The following MYOF variants were observed in gnomAD, a reference collection of about 807,000 sequenced individuals.
The protein encoded by MYOF is fer-1-like 3, myoferlin.
In MYOF, 244 loss-of-function variants were observed where a neutral mutation model predicts 284.2. The ratio of observed to expected loss-of-function variants is 0.86; its 90% CI spans 0.77 to 0.95. The LOEUF (loss-of-function observed/expected upper bound fraction) is 0.95, where lower values mean the gene tolerates loss of function less well. MYOF is among the 40% of genes least tolerant of loss of function. MYOF has a pLI of 0.00. For synonymous variants in MYOF, 904 were observed against 919.7 expected, an observed-to-expected ratio of 0.98 and a Z score of 0.31; for missense variants, 2,496 against 2,560.6, an observed-to-expected ratio of 0.97 and a Z score of 0.54.
intron 50 of MYOF, 24 bp from the exon 51 acceptor site, chr10:93,313,234 T>C: frequency 6.2e-7 from 1 of 1,601,752 alleles, no homozygotes; most frequent in Non-Finnish European, 8.5e-7. Flanking sequence ...CAACAGTAAG[T>C]CCAAATGAGC....
chr10:93,462,396 C>A (rs2056905640), intron 1 of MYOF, among the ~76,000 whole-genome samples: 2 of 152,112 alleles, frequency 1.3e-5, no homozygotes, highest in African/African-American at 4.8e-5. Flanking sequence ...TGCATCATTT[C>A]ATTGAATCCT....
intron 22 of MYOF, 139 bp downstream of exon 22, chr10:93,377,184 G>T: frequency 1.6e-6 from 1 of 637,532 alleles, no homozygotes. Context: ...CTCCCAGTGA[G>T]GACTTTTTAC....
Position 93,359,891 on chromosome 10 carries a change from C to T in MYOF, c.3062G>A (p.Arg1021Gln), listed in dbSNP as rs375030658. 6.4e-5 allele frequency: 104 copies of T among 1,614,036 alleles called. No individual in the cohort carries two copies. The Middle Eastern group carries it at 8.2e-4, about 13-fold the overall frequency. Residue 1021 changes from arginine (R) to glutamine (Q), a missense_variant, in exon 29 of 54, where the codon CGA becomes CAA. By Grantham distance (43) the Arg-to-Gln change is conservative. Coordinates refer to ENST00000359263, the MANE Select transcript of MYOF (RefSeq NM_013451.4). ...AEKMYHTHRRRRLVRKRKKDL... is the reference protein window; with the variant it reads ...AEKMYHTHRRQRLVRKRKKDL... ...TTTCTTGCGTTTTCGGACCAGCCTT[C>T]GCCGTCTATGAGTGTGGTACATTTT...
At chr10:93,455,127 T>C (rs1271092888) in intron 2 of MYOF, among the ~76,000 whole-genome samples, 1 of 149,054 alleles carries the variant, frequency 6.7e-6, no homozygotes, top group African/African-American at 2.5e-5. Flanking sequence ...CCATCTCTAC[T>C]AAAAATACAA....
Position 93,306,757 on chromosome 10 carries a change from A to ATACTT in MYOF, c.*201_*205dup, listed in dbSNP as rs1444637205. 1.3e-5 allele frequency: 7 copies of ATACTT among 533,644 alleles called. No individual in the cohort carries two copies. Among genetic ancestry groups the ATACTT allele is most frequent in the African/African-American group, 4.0e-5 (2 of 50,424 alleles). The allele number at this position is 533,644 out of a possible 1,614,324, so 33.1% of individuals were successfully genotyped here. On this transcript the variant is annotated 3_prime_UTR_variant, in exon 54 of 54. Coordinates refer to ENST00000359263, the MANE Select transcript of MYOF (RefSeq NM_013451.4). ...TAAACTTTAGAAAATAAAACTTTTA[A>ATACTT]TACTTAAGAGATAACATGATGCAAA...
intron 50 of MYOF, 93 bp from the exon 51 acceptor site, chr10:93,313,303 A>G: frequency 8.2e-7 from 1 of 1,224,894 alleles, no homozygotes. Context: ...GGAGAGAGGC[A>G]CACAGTGATT....
rs922816280 is a variant in MYOF, at chr10:93,328,702, C to T, written c.5131+61G>A. On this transcript the variant is annotated intron_variant, in intron 45 of 53. Transcript: ENST00000359263. ...CTCTGTCTATTCACTCCCCCAAACC[C>T]AGCAATATATATGGGTTACTATACT... 9.2e-6 allele frequency: 14 copies of T among 1,528,640 alleles called. No individual in the cohort carries two copies. In the African/African-American group the frequency reaches 1.8e-4, roughly 19 times the overall value. The allele number at this position is 1,528,640 out of a possible 1,614,324, so 94.7% of individuals were successfully genotyped here.
At chr10:93,309,273 C>G (rs1011826978) in intron 53 of MYOF, among the ~76,000 whole-genome samples, 1 of 152,188 alleles carries the variant, frequency 6.6e-6, no homozygotes, top group Non-Finnish European at 1.5e-5. Context: ...ATATGAACTG[C>G]TCTTGGGCAC....
At chr10:93,395,387 G>A (rs923761300) in intron 16 of MYOF, among the ~76,000 whole-genome samples, 6 of 152,204 alleles carry the variant, frequency 3.9e-5, no homozygotes, top group African/African-American at 9.7e-5. Flanking sequence ...ACGTTGCAGC[G>A]AGCTGAGATC....
intron 1 of MYOF, among the ~76,000 whole-genome samples, chr10:93,478,857 A>AAAGG (rs2057329875): frequency 1.3e-5 from 2 of 150,744 alleles, no homozygotes; most frequent in African/African-American, 4.9e-5. Flanking sequence ...AGAAAGAAAG[A>AAAGG]AAGGGTTTGA....
At chr10:93,344,443 T>C (rs1210932133) in intron 37 of MYOF, among the ~76,000 whole-genome samples, 2 of 152,118 alleles carry the variant, frequency 1.3e-5, no homozygotes, top group Admixed American at 6.5e-5. Flanking sequence ...ATTGTACCAC[T>C]CTGCATGCCT....
chr10:93,388,045 G>T (rs749152346), intron 18 of MYOF, 132 bp from the exon 19 acceptor site: 9 of 694,074 alleles, frequency 1.3e-5, no homozygotes, highest in African/African-American at 3.5e-5. Flanking sequence ...TGAATCAGTC[G>T]GCAACTCTCC....
At chr10:93,372,138 C>G (rs1268372009) in intron 24 of MYOF, among the ~76,000 whole-genome samples, 1 of 152,198 alleles carries the variant, frequency 6.6e-6, no homozygotes, top group Admixed American at 6.5e-5. Flanking sequence ...CTCTCTCCAA[C>G]TCTGCTTTTT....
chr10:93,341,610 T>C (rs1843918878), intron 38 of MYOF, among the ~76,000 whole-genome samples: 1 of 152,234 alleles, frequency 6.6e-6, no homozygotes, highest in Admixed American at 6.5e-5. Flanking sequence ...TTGCTGATTT[T>C]AAACTTTAGA....
rs1038753202 is a variant in MYOF, at chr10:93,306,552, T to G, written c.*411A>C. ...ATTGTTCTAACTATTCTAACTGATT[T>G]TATAATGCACAGCTCTTTCAGTTGA... is the stretch of plus-strand genomic sequence containing the variant. On this transcript the variant is annotated 3_prime_UTR_variant, in exon 54 of 54. Coordinates refer to ENST00000359263, the MANE Select transcript of MYOF (RefSeq NM_013451.4). 1 of 171,376 alleles carries G rather than the reference T, an allele frequency of 5.8e-6. No homozygotes were observed. Among genetic ancestry groups the G allele is most frequent in the African/African-American group, 2.4e-5 (1 of 41,882 alleles). 10.6% of individuals were successfully genotyped at this position (171,376 alleles called of 1,614,324 possible).
chr10:93,346,044 G>T (rs963262914), intron 37 of MYOF, among the ~76,000 whole-genome samples: 2 of 152,192 alleles, frequency 1.3e-5, no homozygotes, highest in Non-Finnish European at 2.9e-5. Context: ...AAAAAGCCAG[G>T]AAAGTGGTTT....
At chr10:93,426,248 G>T in intron 4 of MYOF, 90 bp from the exon 5 acceptor site, 1 of 1,301,020 alleles carries the variant, frequency 7.7e-7, no homozygotes, top group Non-Finnish European at 1.1e-6. Flanking sequence ...AGGAGCCAAA[G>T]TCTTGGAAGG....
chr10:93,326,071 A>C, intron 45 of MYOF, 106 bp from the exon 46 acceptor site: 8 of 1,410,134 alleles, frequency 5.7e-6, no homozygotes, highest in Non-Finnish European at 7.9e-6. Context: ...GCCAAAATGG[A>C]CAGGCAGTGC....
chr10:93,337,622 G>C (rs1843675614), intron 40 of MYOF, 193 bp downstream of exon 40: 1 of 544,058 alleles, frequency 1.8e-6, no homozygotes, highest in South Asian at 2.8e-5. Context: ...TAACTCAATA[G>C]CTGTCCTCAA....
Sources: allele counts gnomAD v4.1 joint callset (sites outside exome capture counted in the v4.1 genomes callset), GRCh38; gene constraint gnomAD v4.1.1; transcripts MANE v1.5; gene names NCBI Gene and HGNC (gene_info 2026-07-23, HGNC 2026-07-21).